Variants in BCL11B observed in about 807,000 individuals in gnomAD.
BCL11B encodes the protein B-cell lymphoma/leukemia 11B.
Under a neutral mutation model 49.9 loss-of-function variants are expected in BCL11B, and 8 were observed. That is an observed-to-expected ratio of 0.16 (90% CI 0.09 to 0.29). The LOEUF (loss-of-function observed/expected upper bound fraction) is 0.29. BCL11B is among the 10% of genes least tolerant of loss of function. The probability of loss-of-function intolerance (pLI) is 1.00; values close to 1 mark genes in which losing one functional copy is unlikely to be tolerated. For synonymous variants in BCL11B, 739 were observed against 637.4 expected, an observed-to-expected ratio of 1.16 and a Z score of -2.40; for missense variants, 1,006 against 1,351.0, an observed-to-expected ratio of 0.74 and a Z score of 4.00.
At chr14:99,271,063 C>A in intron 1 of BCL11B, 98 bp downstream of exon 1, 1 of 1,294,924 alleles carries the variant, frequency 7.7e-7, no homozygotes, top group East Asian at 3.1e-5. Context: ...GCGGCCCCGG[C>A]GCCTGGCCAG....
chr14:99,254,041 C>T (rs996292933), intron 2 of BCL11B, among the ~76,000 whole-genome samples: 4 of 152,206 alleles, frequency 2.6e-5, no homozygotes, highest in South Asian at 2.1e-4. Flanking sequence ...AGAATGCACA[C>T]GTCAAGAGCA....
intron 3 of BCL11B, among the ~76,000 whole-genome samples, chr14:99,211,633 A>C (rs879412662): frequency 4.6e-5 from 7 of 151,506 alleles, no homozygotes; most frequent in Non-Finnish European, 8.8e-5. Context: ...GTGCACACAC[A>C]CCCCCCTCCA....
intron 3 of BCL11B, among the ~76,000 whole-genome samples, chr14:99,227,881 T>G (rs115450008): frequency 0.013 from 1,903 of 152,112 alleles, 39 homozygotes; most frequent in African/African-American, 0.043. Context: ...CCCACCTTCC[T>G]TCAGCAGAGT....
At chr14:99,216,986 G>A (rs927156728) in intron 3 of BCL11B, among the ~76,000 whole-genome samples, 12 of 151,826 alleles carry the variant, frequency 7.9e-5, no homozygotes, top group African/African-American at 9.7e-5. Context: ...ACACAAATAC[G>A]CGTGTATGTA....
chr14:99,202,136 C>A (rs533760000), intron 3 of BCL11B, among the ~76,000 whole-genome samples: 16 of 152,260 alleles, frequency 1.1e-4, no homozygotes, highest in African/African-American at 3.9e-4. Flanking sequence ...CATACACCAC[C>A]ACACTCGGCT....
chr14:99,192,197 T>C lies in BCL11B; in HGVS notation c.641-16002A>G, dbSNP rs1887051891. Among the ~76,000 whole-genome samples, 1 of 152,222 alleles carries C rather than the reference T, an allele frequency of 6.6e-6. No individual in the cohort carries two copies. Among genetic ancestry groups the C allele is most frequent in the African/African-American group, 2.4e-5 (1 of 41,474 alleles). ...TCCACTGGACGGAATGCGTGTGTTTTGCTTGGCGGCTGTTCATAATACTGT... is the reference window on the plus strand; with the variant it reads ...TCCACTGGACGGAATGCGTGTGTTTCGCTTGGCGGCTGTTCATAATACTGT... On this transcript the variant is annotated intron_variant, in intron 3 of 3. Transcript: ENST00000357195. The surrounding 1 kb of genome is among the most constrained non-coding windows in gnomAD (Gnocchi z 4.0).
chr14:99,230,426 G>A (rs965265614), intron 3 of BCL11B, among the ~76,000 whole-genome samples: 1 of 152,126 alleles, frequency 6.6e-6, no homozygotes, highest in Admixed American at 6.5e-5. Context: ...ACCAGGCCAC[G>A]GCTGCTCACC....
At chr14:99,263,942 G>C (rs1889409172) in intron 1 of BCL11B, among the ~76,000 whole-genome samples, 1 of 152,150 alleles carries the variant, frequency 6.6e-6, no homozygotes, top group Non-Finnish European at 1.5e-5. Flanking sequence ...AAATAAAATA[G>C]GCGCTTTAAA....
chr14:99,236,152 C>T (rs1443245698), intron 2 of BCL11B, among the ~76,000 whole-genome samples: 2 of 152,104 alleles, frequency 1.3e-5, no homozygotes, highest in South Asian at 4.2e-4. Flanking sequence ...AAATGGGAGC[C>T]GGGAAAGATT....
intron 1 of BCL11B, chr14:99,264,809 T>C (rs1199799613): frequency 6.6e-6 from 1 of 152,178 alleles, no homozygotes; most frequent in African/African-American, 2.4e-5. Flanking sequence ...GCAAGAAATG[T>C]GTCCTTCTCT....
intron 3 of BCL11B, among the ~76,000 whole-genome samples, chr14:99,181,894 G>A (rs780918789): frequency 8.5e-5 from 13 of 152,190 alleles, no homozygotes; most frequent in African/African-American, 2.9e-4. Flanking sequence ...TCCAGAATCC[G>A]TCTGCTAAAG....
Position 99,234,759 on chromosome 14 carries a change from G to T in BCL11B, c.428-3202C>A, listed in dbSNP as rs77675099. Among the ~76,000 whole-genome samples the T allele has an allele frequency of 0.02, 2,925 of 142,826 alleles. 216 individuals are homozygous for T. In the East Asian group the frequency reaches 0.22, roughly 11 times the overall value. The allele number at this position is 142,826 out of a possible 152,430, so 93.7% of individuals were successfully genotyped here. On this transcript the variant is annotated intron_variant, in intron 2 of 3. Transcript: ENST00000357195. ...TTCCAAGGCATCATCGCTGCCCAGC[G>T]AAGAAAGCAAGAGGATGTTCTCTGA...
Position 99,211,719 on chromosome 14 carries a change from C to T in BCL11B, c.640+19626G>A, listed in dbSNP as rs1177312466. 2.0e-5 allele frequency among the ~76,000 whole-genome samples: 3 copies of T among 152,304 alleles called. No individual in the cohort carries two copies. In the South Asian group the frequency reaches 6.2e-4, roughly 32 times the overall value. ...CTTTCACGTGAATGTGTGACTCTGA[C>T]CTGCTGGTGCATTTCCCACCCAGAG... On this transcript the variant is annotated intron_variant, in intron 3 of 3. Coordinates refer to ENST00000357195, the MANE Select transcript of BCL11B (RefSeq NM_138576.4).
chr14:99,206,937 G>T (rs538630262), intron 3 of BCL11B, among the ~76,000 whole-genome samples: 1 of 152,142 alleles, frequency 6.6e-6, no homozygotes, highest in Non-Finnish European at 1.5e-5. Flanking sequence ...TTCACTATCT[G>T]GTATTTATCA....
rs1299706059 is a variant in BCL11B at position 99,228,975 on chromosome 14, C to CATGG, written c.640+2366_640+2369dup. 7.5e-6 allele frequency among the ~76,000 whole-genome samples: 1 copy of CATGG among 132,996 alleles called. No individual in the cohort carries two copies. Among genetic ancestry groups the CATGG allele is most frequent in the Admixed American group, 7.4e-5 (1 of 13,506 alleles). The allele number at this position is 132,996 out of a possible 152,430, so 87.3% of individuals were successfully genotyped here. ...GGATGGATGGATGCATGGATGGATGCATGGATGGATGGATGGCTACATGGA... is the reference window on the plus strand; with the variant it reads ...GGATGGATGGATGCATGGATGGATGCATGGATGGATGGATGGATGGCTACATGGA... On this transcript the variant is annotated intron_variant, in intron 3 of 3. Coordinates refer to ENST00000357195, the MANE Select transcript of BCL11B (RefSeq NM_138576.4). This position sits in a 1 kb window ranked among gnomAD's most constrained non-coding sequence, Gnocchi z 4.8.
chr14:99,268,041 CG>C (rs1374281808), intron 1 of BCL11B, among the ~76,000 whole-genome samples: 1 of 152,142 alleles, frequency 6.6e-6, no homozygotes, highest in African/African-American at 2.4e-5. Context: ...AACCTCCCCT[CG>C]GCACGATTGC....
intron 1 of BCL11B, among the ~76,000 whole-genome samples, chr14:99,268,520 C>G (rs1407786108): frequency 2.0e-5 from 3 of 152,116 alleles, no homozygotes. Context: ...CTTTGCCAGC[C>G]AGGGCTCCAA....
At chr14:99,188,928 C>T (rs2139791745) in intron 3 of BCL11B, among the ~76,000 whole-genome samples, 1 of 152,368 alleles carries the variant, frequency 6.6e-6, no homozygotes, top group South Asian at 2.1e-4. Context: ...AGTCATCAGC[C>T]AGTGAATGTT....
At chr14:99,183,290 A>G (rs1886762196) in intron 3 of BCL11B, among the ~76,000 whole-genome samples, 1 of 152,176 alleles carries the variant, frequency 6.6e-6, no homozygotes, top group African/African-American at 2.4e-5. Context: ...GAGAACTTGG[A>G]TAAGTTGCTC....
Sources: gnomAD v4.1 joint callset for allele counts (sites outside exome capture counted in the v4.1 genomes callset) on GRCh38, gnomAD v4.1.1 for gene constraint, Gnocchi (gnomAD v3.1) non-coding constraint, MANE v1.5 for transcripts, NCBI Gene and HGNC (gene_info 2026-07-23, HGNC 2026-07-21) for gene names.